Variants in GRIP2 observed in about 807,000 individuals in gnomAD.
The protein encoded by GRIP2 is glutamate receptor-interacting protein 2.
A neutral mutation model predicts 108.3 loss-of-function variants in GRIP2; 58 were observed. The observed-to-expected ratio is 0.54, with a 90% CI of 0.43 to 0.67. The LOEUF is 0.67. GRIP2 is among the 30% of genes least tolerant of loss of function. The pLI, the probability that GRIP2 is intolerant of heterozygous loss-of-function variation, is 0.00. For synonymous variants in GRIP2, 586 were observed against 598.2 expected, an observed-to-expected ratio of 0.98 and a Z score of 0.30; for missense variants, 1,278 against 1,430.6, an observed-to-expected ratio of 0.89 and a Z score of 1.72.
At position 14,509,830 on chromosome 3, in the gene GRIP2, G is replaced by A; in HGVS notation, c.2068C>T (p.Leu690=). The A allele has an allele frequency of 6.6e-7, 1 of 1,511,848 alleles. No homozygotes were observed. Among genetic ancestry groups the A allele is most frequent in the Non-Finnish European group, 8.9e-7 (1 of 1,124,628 alleles). 93.7% of individuals were successfully genotyped at this position (1,511,848 alleles called of 1,614,324 possible). The change falls in exon 17 of 24, where the codon CTG becomes TTG. Residue 690 remains leucine, a synonymous_variant. Coordinates refer to ENST00000621039, the MANE Select transcript of GRIP2 (RefSeq NM_001080423.4). ...AGAGCCCCAGTTCACCTCTCAGCCA[G>A]GCCACGCTTGGTGAGGCCTGAGATG... ...IVISGLTKRG[L]AERTGAIHVG... is the part of the protein sequence containing the mutation.
chr3:14,583,137 C>T, the GRIP2 span, among the ~76,000 whole-genome samples: 5 of 152,176 alleles, frequency 3.3e-5, no homozygotes, highest in African/African-American at 4.8e-5. Context: ...AGCTTTCTTT[C>T]GGCTCTGGGG....
intron 1 of GRIP2, among the ~76,000 whole-genome samples, chr3:14,527,458 G>A (rs2124934114): frequency 6.6e-6 from 1 of 151,654 alleles, no homozygotes; most frequent in East Asian, 1.9e-4. Context: ...AGGGAAGGAG[G>A]AAGAAAAGGG....
At chr3:14,499,564 A>G (rs1405710069) in intron 21 of GRIP2, among the ~76,000 whole-genome samples, 3 of 143,270 alleles carry the variant, frequency 2.1e-5, no homozygotes, top group Non-Finnish European at 3.2e-5. Context: ...AAAAAAAAGA[A>G]AAAAAAAAAT....
rs758707784 is a variant in GRIP2, at chr3:14,496,437, T to C, written c.2803A>G (p.Thr935Ala). The C allele has an allele frequency of 1.9e-6, 3 of 1,612,276 alleles. No individual in the cohort carries two copies. Among genetic ancestry groups the C allele is most frequent in the African/African-American group, 1.3e-5 (1 of 74,924 alleles). The change falls in exon 22 of 24, where the codon ACA becomes GCA. Residue 935 changes from threonine to alanine, a missense_variant. By Grantham distance (58) the Thr-to-Ala change is moderately conservative. Transcript: ENST00000621039. ...CCTACCTTGTGCATCTCCAAGGGTGTAGGCAGCAACAGCTCCTCCATTTCT... is the reference window on the plus strand; with the variant it reads ...CCTACCTTGTGCATCTCCAAGGGTGCAGGCAGCAACAGCTCCTCCATTTCT... Reference protein sequence around the residue: ...PAEMEELLLPTPLEMHKVTLH... With the variant: ...PAEMEELLLPAPLEMHKVTLH...
chr3:14,583,448 G>A, the GRIP2 span, among the ~76,000 whole-genome samples: 1 of 152,180 alleles, frequency 6.6e-6, no homozygotes, highest in Non-Finnish European at 1.5e-5. Flanking sequence ...CCACCTCCCA[G>A]GGAAGTCCAG....
the GRIP2 span, among the ~76,000 whole-genome samples, chr3:14,586,547 G>C: frequency 5.3e-5 from 8 of 152,200 alleles, no homozygotes; most frequent in African/African-American, 1.4e-4. Context: ...AGGTGCTGGG[G>C]TTAGGGGCAC....
At chr3:14,525,401 C>T (rs757623763) in intron 3 of GRIP2, 36 bp downstream of exon 3, 2 of 1,603,132 alleles carry the variant, frequency 1.2e-6, no homozygotes, top group African/African-American at 1.3e-5. Flanking sequence ...TGCCTCTGCA[C>T]CCCCCTCCTG....
the GRIP2 span, among the ~76,000 whole-genome samples, chr3:14,583,465 C>A: frequency 6.6e-6 from 1 of 152,208 alleles, no homozygotes; most frequent in South Asian, 2.1e-4. Context: ...CCAGTCCAGT[C>A]TTGCCAAGCT....
At position 14,507,357 on chromosome 3, in the gene GRIP2, C is replaced by T. The variant is rs1047459526; in HGVS notation, c.2218+204G>A. On this transcript the variant is annotated intron_variant, in intron 18 of 23. Coordinates refer to ENST00000621039, the MANE Select transcript of GRIP2 (RefSeq NM_001080423.4). The surrounding 1 kb of genome is among the most constrained non-coding windows in gnomAD (Gnocchi z 4.6). ...GCAGGAAGTAATGAAGAACAGGGCT[C>T]AGACCCAGATTCTGCCCCGTGCCCA... is the stretch of plus-strand genomic sequence containing the variant. Among the ~76,000 whole-genome samples the T allele has an allele frequency of 6.6e-6, 1 of 152,250 alleles. No homozygotes were observed. Among genetic ancestry groups the T allele is most frequent in the Non-Finnish European group, 1.5e-5 (1 of 68,038 alleles).
rs1575023957 is a variant in GRIP2, at chr3:14,533,616, C to T, written c.40+6653G>A. On this transcript the variant is annotated intron_variant, in intron 1 of 23. Transcript: ENST00000621039. ...GCACAGGGTGCCCGATGTTGGCTGGCGAAGGGGGGGACCCATGCCCTGGGT... is the reference window on the plus strand; with the variant it reads ...GCACAGGGTGCCCGATGTTGGCTGGTGAAGGGGGGGACCCATGCCCTGGGT... Among the ~76,000 whole-genome samples the T allele has an allele frequency of 3.9e-5, 6 of 152,166 alleles. 1 individual carries two copies. Among genetic ancestry groups the T allele is most frequent in the African/African-American group, 1.4e-4 (6 of 41,498 alleles).
chr3:14,592,774 C>T, the GRIP2 span, among the ~76,000 whole-genome samples: 3 of 152,140 alleles, frequency 2.0e-5, no homozygotes, highest in Non-Finnish European at 2.9e-5. Flanking sequence ...TCTTGCTTGA[C>T]CCTGTTCTTT....
chr3:14,583,928 A>G, the GRIP2 span, among the ~76,000 whole-genome samples: 2 of 152,326 alleles, frequency 1.3e-5, no homozygotes, highest in South Asian at 4.1e-4. Flanking sequence ...CTTTCTAGTC[A>G]GATTTCCTCC....
At chr3:14,599,946 A>G in the GRIP2 span, among the ~76,000 whole-genome samples, 1 of 152,152 alleles carries the variant, frequency 6.6e-6, no homozygotes, top group African/African-American at 2.4e-5. Context: ...CCCAGCAGCT[A>G]CATGTGTCTC....
At chr3:14,559,970 A>C (rs1695293283), upstream of GRIP2, among the ~76,000 whole-genome samples, 1 of 152,192 alleles carries the variant, frequency 6.6e-6, no homozygotes, top group African/African-American at 2.4e-5. Context: ...TAGGCATCTG[A>C]GGATGGGCTT....
At chr3:14,562,845 C>T in the GRIP2 span, among the ~76,000 whole-genome samples, 1 of 152,330 alleles carries the variant, frequency 6.6e-6, no homozygotes, top group Admixed American at 6.5e-5. Flanking sequence ...ACAGCATTCC[C>T]TGAGATGGAT....
At chr3:14,570,454 G>A in the GRIP2 span, among the ~76,000 whole-genome samples, 10 of 152,316 alleles carry the variant, frequency 6.6e-5, no homozygotes, top group South Asian at 2.1e-3. Flanking sequence ...CTGAGGCTCA[G>A]TCAGATTAAA....
In GRIP2 at chr3:14,524,453, G is replaced by A. The variant is rs749078228; in HGVS notation, c.343C>T (p.Leu115=). 3.7e-5 allele frequency: 59 copies of A among 1,602,724 alleles called. No homozygotes were observed. In the Middle Eastern group the frequency reaches 5.0e-4, roughly 13 times the overall value. The change falls in exon 4 of 24, where the codon CTG becomes TTG. Residue 115 remains leucine (L), a synonymous_variant. Transcript: ENST00000621039. ...ACGCGCTCGCCCACATTCTTGAGCA[G>A]GGTGATGATCTCATCGTGGCGGAGC... is the stretch of plus-strand genomic sequence containing the variant. ...TRLRHDEIIT[L]LKNVGERVVL... is the part of the protein sequence containing the mutation.
the GRIP2 span, among the ~76,000 whole-genome samples, chr3:14,589,706 C>T: frequency 2.6e-5 from 4 of 151,750 alleles, no homozygotes; most frequent in African/African-American, 7.3e-5. Flanking sequence ...CTAACCTCCA[C>T]GATAGCACTA....
chr3:14,490,649 G>C lies in GRIP2; in HGVS notation c.*3016C>G, dbSNP rs938282787. On this transcript the variant is annotated 3_prime_UTR_variant, in exon 24 of 24. Transcript: ENST00000621039. ...TCCCCCTACCCAAGCCTTCACGACT[G>C]ATTCCTGCTACCTCCAACCTAGTCT... is the stretch of plus-strand genomic sequence containing the variant. 2 of 152,350 alleles carry C rather than the reference G, an allele frequency of 1.3e-5. No homozygotes were observed. The highest frequency in any genetic ancestry group is 4.8e-5 in the African/African-American group (2 of 41,470). The allele number at this position is 152,350 out of a possible 1,614,324, so 9.4% of individuals were successfully genotyped here.
Sources: gnomAD v4.1 joint callset for allele counts (sites outside exome capture counted in the v4.1 genomes callset) on GRCh38, gnomAD v4.1.1 for gene constraint, Gnocchi (gnomAD v3.1) non-coding constraint, MANE v1.5 for transcripts, NCBI Gene and HGNC (gene_info 2026-07-23, HGNC 2026-07-21) for gene names.